CADPS2: variants seen among roughly 807,000 people sequenced by gnomAD.
The protein encoded by CADPS2 is calcium-dependent secretion activator 2.
In CADPS2, 93 loss-of-function variants were observed where a neutral mutation model predicts 172.5. The observed-to-expected ratio is 0.54, with a 90% CI of 0.46 to 0.64. The LOEUF (loss-of-function observed/expected upper bound fraction) is 0.64, where lower values mean the gene tolerates loss of function less well. Ranked by LOEUF, CADPS2 falls within the 30% of genes least tolerant of loss-of-function variation. CADPS2 has a pLI of 0.00. For synonymous variants in CADPS2, 546 were observed against 555.2 expected (o/e 0.98, Z 0.23); for missense variants, 1,420 against 1,565.9 (o/e 0.91, Z 1.57).
At chr7:122,407,126 T>G (rs1287689987) in intron 20 of CADPS2, among the ~76,000 whole-genome samples, 1 of 152,212 alleles carries the variant, frequency 6.6e-6, no homozygotes, top group Admixed American at 6.5e-5. Context: ...GCCAGCAATA[T>G]TACCGCAATG....
chr7:122,394,902 G>A (rs1354134828), intron 20 of CADPS2, among the ~76,000 whole-genome samples: 2 of 152,164 alleles, frequency 1.3e-5, no homozygotes, highest in Non-Finnish European at 2.9e-5. Context: ...GTTGTTTACT[G>A]CAATAGACTA....
intron 7 of CADPS2, among the ~76,000 whole-genome samples, chr7:122,576,869 C>T (rs1382563358): frequency 6.6e-6 from 1 of 151,390 alleles, no homozygotes; most frequent in Non-Finnish European, 1.5e-5. Flanking sequence ...AAGTGATTCT[C>T]CTGCCTTAGC....
At chr7:122,814,006 C>T (rs1459678777) in intron 1 of CADPS2, among the ~76,000 whole-genome samples, 5 of 151,934 alleles carry the variant, frequency 3.3e-5, no homozygotes, top group South Asian at 2.1e-4. Context: ...TATACAAGGA[C>T]GTAAGGGCAA....
chr7:122,870,381 A>G (rs1193106281), intron 1 of CADPS2, among the ~76,000 whole-genome samples: 1 of 152,064 alleles, frequency 6.6e-6, no homozygotes, highest in Non-Finnish European at 1.5e-5. Flanking sequence ...ATAATAATAA[A>G]GGGGTCAATT....
At chr7:122,565,227 GAATT>G (rs2066301191) in intron 7 of CADPS2, among the ~76,000 whole-genome samples, 1 of 143,406 alleles carries the variant, frequency 7.0e-6, no homozygotes, top group Non-Finnish European at 1.5e-5. Context: ...TGAATTTATA[GAATT>G]AAAAAAAAAA....
At chr7:122,506,343 G>T (rs2059606274) in intron 9 of CADPS2, among the ~76,000 whole-genome samples, 1 of 152,168 alleles carries the variant, frequency 6.6e-6, no homozygotes, top group Non-Finnish European at 1.5e-5. Flanking sequence ...ACTCTGTAAA[G>T]AATGGATTTG....
chr7:122,557,107 T>TAC (rs2065125060), intron 7 of CADPS2, among the ~76,000 whole-genome samples: 1 of 152,126 alleles, frequency 6.6e-6, no homozygotes, highest in Admixed American at 6.6e-5. Context: ...GGTCCACAGA[T>TAC]ACGAAATCTT....
intron 2 of CADPS2, among the ~76,000 whole-genome samples, chr7:122,684,581 T>A (rs2083428139): frequency 6.6e-6 from 1 of 152,200 alleles, no homozygotes; most frequent in Admixed American, 6.5e-5. Context: ...CACATGATTT[T>A]ATATTTTATA....
intron 6 of CADPS2, among the ~76,000 whole-genome samples, chr7:122,589,981 G>A (rs1013619189): frequency 2.6e-5 from 4 of 151,772 alleles, no homozygotes; most frequent in African/African-American, 9.7e-5. Context: ...ATGCAATCAC[G>A]TATACAGAAC....
chr7:122,511,493 T>TA (rs985045333), intron 9 of CADPS2, among the ~76,000 whole-genome samples: 9 of 151,190 alleles, frequency 6.0e-5, no homozygotes, highest in South Asian at 2.1e-4. Context: ...AACAATCAAA[T>TA]AAAAAAAAAC....
intron 28 of CADPS2, among the ~76,000 whole-genome samples, chr7:122,344,249 C>G (rs2037225985): frequency 6.6e-6 from 1 of 152,168 alleles, no homozygotes; most frequent in African/African-American, 2.4e-5. Flanking sequence ...AAAAGCATTT[C>G]TAAAATGCAG....
chr7:122,826,329 C>G (rs1046198529), intron 1 of CADPS2, among the ~76,000 whole-genome samples: 1 of 152,092 alleles, frequency 6.6e-6, no homozygotes, highest in Non-Finnish European at 1.5e-5. Context: ...GAGCAGTATC[C>G]AAAACTACCA....
At chr7:122,550,165 T>C (rs2064085670) in intron 8 of CADPS2, among the ~76,000 whole-genome samples, 1 of 152,166 alleles carries the variant, frequency 6.6e-6, no homozygotes, top group African/African-American at 2.4e-5. Flanking sequence ...GTGGGGCTTG[T>C]CTCGTTTTTC....
rs565240563 is a variant in CADPS2 at position 122,756,619 on chromosome 7, T to C, written c.340-19551A>G. ...AATGGCATAAATTCTTTCCCAAGGG[T>C]TGGGCGCGGTGGCACACGCCTGTAA... On this transcript the variant is annotated intron_variant, in intron 1 of 29. Transcript: ENST00000449022. 3.3e-5 allele frequency among the ~76,000 whole-genome samples: 5 copies of C among 152,194 alleles called. No individual in the cohort carries two copies. The South Asian group carries it at 8.3e-4, about 25-fold the overall frequency.
intron 2 of CADPS2, among the ~76,000 whole-genome samples, chr7:122,707,731 CAA>C (rs1374563068): frequency 6.6e-6 from 1 of 151,448 alleles, no homozygotes; most frequent in Admixed American, 6.6e-5. Context: ...AGCACAAAAG[CAA>C]AGAGTACTAA....
chr7:122,874,610 C>A (rs965528924), intron 1 of CADPS2, among the ~76,000 whole-genome samples: 1 of 152,194 alleles, frequency 6.6e-6, no homozygotes, highest in African/African-American at 2.4e-5. Flanking sequence ...TTGGAGCCAT[C>A]ATGCTGACTG....
chr7:122,413,508 C>G (rs2151732242), intron 19 of CADPS2, among the ~76,000 whole-genome samples: 1 of 152,266 alleles, frequency 6.6e-6, no homozygotes, highest in African/African-American at 2.4e-5. Flanking sequence ...GTAAAGTAAA[C>G]TGCCACTGTG....
chr7:122,578,679 A>G (rs2068380342), intron 7 of CADPS2, among the ~76,000 whole-genome samples: 1 of 152,162 alleles, frequency 6.6e-6, no homozygotes, highest in Non-Finnish European at 1.5e-5. Context: ...ATAAATTGGA[A>G]GACATTGGAA....
In CADPS2 at chr7:122,407,672, A is replaced by G; in HGVS notation, c.2614T>C (p.Leu872=). The G allele has an allele frequency of 1.2e-6, 2 of 1,611,012 alleles. No homozygotes were observed. Among genetic ancestry groups the G allele is most frequent in the Non-Finnish European group, 1.7e-6 (2 of 1,178,516 alleles). The change falls in exon 20 of 30, where the codon TTG becomes CTG. Residue 872 remains leucine (L), a synonymous_variant. Transcript: ENST00000449022. ...CAAAATTTCTCTGCATGTTCAGCCAATAAATCAGGCCACCAGGCAAATGCC... is the reference window on the plus strand; with the variant it reads ...CAAAATTTCTCTGCATGTTCAGCCAGTAAATCAGGCCACCAGGCAAATGCC... ...REAFAWWPDL[L]AEHAEKFWAL... is the part of the protein sequence containing the mutation.
Sources: allele counts gnomAD v4.1 joint callset (sites outside exome capture counted in the v4.1 genomes callset), GRCh38; gene constraint gnomAD v4.1.1; transcripts MANE v1.5; gene names NCBI Gene and HGNC (gene_info 2026-07-23, HGNC 2026-07-21).